Variants in SIPA1L1 observed in about 807,000 individuals in gnomAD.
SIPA1L1 encodes signal-induced proliferation-associated 1-like protein 1.
A neutral mutation model predicts 162.7 loss-of-function variants in SIPA1L1; 26 were observed. The observed-to-expected ratio is 0.16, with a 90% CI of 0.12 to 0.22. The LOEUF is 0.22. SIPA1L1 is among the 10% of genes least tolerant of loss of function. The pLI is 1.00. For missense variants in SIPA1L1, 1,874 were observed against 2,241.0 expected, an observed-to-expected ratio of 0.84 and a Z score of 3.31; for synonymous variants, 829 against 837.4, an observed-to-expected ratio of 0.99 and a Z score of 0.17.
intron 2 of SIPA1L1, among the ~76,000 whole-genome samples, chr14:71,385,935 C>G (rs929596368): frequency 2.6e-5 from 4 of 152,184 alleles, no homozygotes; most frequent in African/African-American, 9.7e-5. Context: ...ATCCGCCCGC[C>G]TCAGCCTCCC....
intron 17 of SIPA1L1, among the ~76,000 whole-genome samples, chr14:71,710,336 T>G (rs8016956): frequency 0.058 from 8,832 of 152,262 alleles, 415 homozygotes; most frequent in Non-Finnish European, 0.085. Context: ...GATTGGAGCC[T>G]AAAATCCCCA....
In SIPA1L1 at chr14:71,451,763, C is replaced by A. The variant is rs78925074; in HGVS notation, c.-464-60980C>A. Reference sequence around the variant, plus strand: ...CACCACAAAAAAATGAAAAGTATGTCAGGTAACATATATGTTAATTAGCTC... The same window carrying A: ...CACCACAAAAAAATGAAAAGTATGTAAGGTAACATATATGTTAATTAGCTC... On this transcript the variant is annotated intron_variant, in intron 2 of 23. Transcript: ENST00000381232. Among the ~76,000 whole-genome samples, 829 of 151,752 alleles carry A rather than the reference C, an allele frequency of 5.5e-3. 11 individuals are homozygous for A. Among genetic ancestry groups the A allele is most frequent in the African/African-American group, 0.019 (803 of 41,378 alleles).
chr14:71,627,727 A>G (rs1323126394), intron 7 of SIPA1L1, among the ~76,000 whole-genome samples: 1 of 152,168 alleles, frequency 6.6e-6, no homozygotes, highest in East Asian at 1.9e-4. Flanking sequence ...ATAGATTCCA[A>G]CTATTGGCCT....
intron 5 of SIPA1L1, among the ~76,000 whole-genome samples, chr14:71,590,142 T>C (rs1265800031): frequency 1.3e-5 from 2 of 150,632 alleles, no homozygotes; most frequent in African/African-American, 2.4e-5. Flanking sequence ...TACACAGTTT[T>C]ATCTCATACT....
intron 2 of SIPA1L1, among the ~76,000 whole-genome samples, chr14:71,326,529 G>A (rs958400241): frequency 1.3e-5 from 2 of 151,742 alleles, no homozygotes; most frequent in African/African-American, 2.4e-5. Context: ...TTTTTATAAT[G>A]AGTTCTGAAC....
chr14:71,428,401 T>G (rs2043742230), intron 2 of SIPA1L1, among the ~76,000 whole-genome samples: 1 of 151,954 alleles, frequency 6.6e-6, no homozygotes, highest in Non-Finnish European at 1.5e-5. Flanking sequence ...GGTTTTATTT[T>G]TATTTTTATT....
chr14:71,415,810 G>C (rs929215172), intron 2 of SIPA1L1, among the ~76,000 whole-genome samples: 1 of 151,866 alleles, frequency 6.6e-6, no homozygotes, highest in Admixed American at 6.6e-5. Context: ...CGATTCTCCC[G>C]CCTCAGCCTC....
At chr14:71,543,877 A>ATATATACATATATCATACGTATATGTG (rs1567178776) in intron 4 of SIPA1L1, among the ~76,000 whole-genome samples, 8 of 146,212 alleles carry the variant, frequency 5.5e-5, no homozygotes, top group East Asian at 2.1e-4. Flanking sequence ...ACGTATGTGT[A>ATATATACATATATCATACGTATATGTG]TATATACATA....
chr14:71,612,470 G>A (rs1423331041), intron 5 of SIPA1L1, among the ~76,000 whole-genome samples: 2 of 152,070 alleles, frequency 1.3e-5, no homozygotes. Context: ...ATTAACTATT[G>A]TAAACATGTT....
In SIPA1L1 at chr14:71,568,681, T is replaced by C. The variant is rs375126761; in HGVS notation, c.-302-18890T>C. Among the ~76,000 whole-genome samples, 5 of 152,304 alleles carry C rather than the reference T, an allele frequency of 3.3e-5. No homozygotes were observed. The South Asian group carries it at 8.3e-4, about 25-fold the overall frequency. ...GAATGAAAGAGGAATGGCTGCTCCA[T>C]AGACAGAGAAGCCAAATCCTGATAA... On this transcript the variant is annotated intron_variant, in intron 4 of 23. Coordinates refer to ENST00000381232, the MANE Select transcript of SIPA1L1 (RefSeq NM_001386936.1).
intron 2 of SIPA1L1, among the ~76,000 whole-genome samples, chr14:71,511,340 A>G (rs2051131889): frequency 6.6e-6 from 1 of 152,068 alleles, no homozygotes; most frequent in Admixed American, 6.6e-5. Flanking sequence ...GCTGTAGTAG[A>G]GTGGTGTGAA....
intron 2 of SIPA1L1, among the ~76,000 whole-genome samples, chr14:71,466,100 C>T (rs1369443355): frequency 6.6e-6 from 1 of 152,180 alleles, no homozygotes; most frequent in Non-Finnish European, 1.5e-5. Context: ...ATCAAGTTGA[C>T]ACTCAGTATT....
intron 10 of SIPA1L1, among the ~76,000 whole-genome samples, chr14:71,667,892 T>C (rs528601809): frequency 1.4e-3 from 209 of 152,136 alleles, no homozygotes; most frequent in Non-Finnish European, 2.5e-3. Context: ...AGTGAAACCC[T>C]GTCTCTACTA....
intron 20 of SIPA1L1, 82 bp downstream of exon 20, chr14:71,730,383 C>T: frequency 2.0e-6 from 3 of 1,492,206 alleles, no homozygotes; most frequent in Non-Finnish European, 2.8e-6. Flanking sequence ...CTCATGTGCT[C>T]AGAGAGGGGT....
At position 71,462,559 on chromosome 14, in the gene SIPA1L1, G is replaced by A. The variant is rs531734916; in HGVS notation, c.-464-50184G>A. On this transcript the variant is annotated intron_variant, in intron 2 of 23. Coordinates refer to ENST00000381232, the MANE Select transcript of SIPA1L1 (RefSeq NM_001386936.1). ...TTGGTTGTAGGAGGAGCCAAATGCA[G>A]CAACTTTTCCTTCACCTTAGAAGGA... Among the ~76,000 whole-genome samples the A allele has an allele frequency of 3.4e-4, 52 of 152,304 alleles. 1 individual carries two copies. The highest frequency in any genetic ancestry group is 7.1e-4 in the Non-Finnish European group (48 of 68,016).
At chr14:71,720,710 T>C (rs1255715150) in intron 17 of SIPA1L1, among the ~76,000 whole-genome samples, 1 of 152,162 alleles carries the variant, frequency 6.6e-6, no homozygotes, top group African/African-American at 2.4e-5. Flanking sequence ...TTCTGCTTGA[T>C]CAATTCCGCT....
intron 20 of SIPA1L1, among the ~76,000 whole-genome samples, chr14:71,731,538 G>A (rs777738952): frequency 3.9e-5 from 6 of 152,170 alleles, no homozygotes; most frequent in Non-Finnish European, 7.3e-5. Context: ...AGTCTTCCGT[G>A]AATTCCATTA....
rs1316571835 is a variant in SIPA1L1 at position 71,588,457 on chromosome 14, A to T, written c.585A>T (p.Thr195=). ...VDSFDECISP[T]YKTGPSLHRE... Reference sequence around the variant, plus strand: ...GCTTTGATGAATGTATCTCACCTACATACAAGACTGGACCATCACTGCACA... The same window carrying T: ...GCTTTGATGAATGTATCTCACCTACTTACAAGACTGGACCATCACTGCACA... Residue 195 remains threonine, a synonymous_variant, in exon 5 of 24, where the codon ACA becomes ACT. Transcript: ENST00000381232. This position sits in a 1 kb window ranked among gnomAD's most constrained non-coding sequence, Gnocchi z 4.3. The T allele has an allele frequency of 6.2e-7, 1 of 1,614,166 alleles. No homozygotes were observed. Among genetic ancestry groups the T allele is most frequent in the South Asian group, 1.1e-5 (1 of 91,082 alleles).
At chr14:71,715,293 C>G (rs770107814) in intron 17 of SIPA1L1, among the ~76,000 whole-genome samples, 1 of 152,228 alleles carries the variant, frequency 6.6e-6, no homozygotes, top group Non-Finnish European at 1.5e-5. Context: ...GCTTGTCCCT[C>G]ATCTGTAATC....
Sources: allele counts gnomAD v4.1 joint callset (sites outside exome capture counted in the v4.1 genomes callset), GRCh38; gene constraint gnomAD v4.1.1; non-coding constraint Gnocchi (gnomAD v3.1); transcripts MANE v1.5; gene names NCBI Gene and HGNC (gene_info 2026-07-23, HGNC 2026-07-21).